The following KIF24 variants were observed in gnomAD, a reference collection of about 807,000 sequenced individuals.
KIF24 encodes the protein kinesin family member 24, also known as kinesin-like protein KIF24.
A neutral mutation model predicts 118.9 loss-of-function variants in KIF24; 81 were observed. That is an observed-to-expected ratio of 0.68 (90% CI 0.57 to 0.82). The LOEUF is 0.82. Among genes scored for constraint, KIF24 ranks in the 40% least tolerant of loss-of-function variants. KIF24 has a pLI of 0.00. For synonymous variants in KIF24, 599 were observed against 610.0 expected (o/e 0.98, Z 0.27); for missense variants, 1,560 against 1,661.6 (o/e 0.94, Z 1.06).
In KIF24 at chr9:34,269,266, ACT is replaced by A. The variant is rs778428972; in HGVS notation, c.1432_1433del (p.Leu479ThrfsTer52). 17 of 1,594,742 alleles carry A rather than the reference ACT, an allele frequency of 1.1e-5. No individual in the cohort carries two copies. The highest frequency in any genetic ancestry group is 1.5e-5 in the Non-Finnish European group (17 of 1,164,858). Reference protein sequence around the residue: ...TKMEGAEINQSLLALKECIRA... With the variant: ...TKMEGAEINQXLLALKECIRA... ...ATTTTGAACAACTTACAGCCAGTAG[ACT>A]CTGATTTATTTCTGCACCTTCCATC... On this transcript the variant is annotated frameshift_variant, in exon 8 of 13. Coordinates refer to ENST00000402558, the MANE Select transcript of KIF24 (RefSeq NM_194313.4). LOFTEE classifies it high-confidence loss of function.
intron 6 of KIF24, among the ~76,000 whole-genome samples, chr9:34,285,930 TA>T (rs11283995): frequency 0.23 from 27,743 of 120,744 alleles, 3,466 homozygotes; most frequent in East Asian, 0.59. Context: ...CCCTGTTGCT[TA>T]AAAAAAAAAA....
intron 4 of KIF24, among the ~76,000 whole-genome samples, chr9:34,295,194 T>TAGACAGATAGACAGACAGAC (rs1836419304): frequency 6.7e-6 from 1 of 149,578 alleles, no homozygotes; most frequent in Admixed American, 6.7e-5. Context: ...GATGGATGGA[T>TAGACAGATAGACAGACAGAC]AGACAGACAG....
At position 34,324,391 on chromosome 9, in the gene KIF24, T is replaced by C. The variant is rs77435154; in HGVS notation, c.-26+4715A>G. 2.0e-3 allele frequency among the ~76,000 whole-genome samples: 300 copies of C among 152,326 alleles called. 1 individual carries two copies. Among genetic ancestry groups the C allele is most frequent in the African/African-American group, 6.7e-3 (279 of 41,570 alleles). On this transcript the variant is annotated intron_variant, in intron 1 of 12. Coordinates refer to ENST00000402558, the MANE Select transcript of KIF24 (RefSeq NM_194313.4). ...ACGAGAAAGCATCCTAGAGGCCTTCTTCTCCCTTAATCCCAAAACTAATCA... is the reference window on the plus strand; with the variant it reads ...ACGAGAAAGCATCCTAGAGGCCTTCCTCTCCCTTAATCCCAAAACTAATCA...
At chr9:34,289,090 C>T (rs138475163) in intron 5 of KIF24, among the ~76,000 whole-genome samples, 70 of 152,234 alleles carry the variant, frequency 4.6e-4, no homozygotes, top group Non-Finnish European at 8.7e-4. Flanking sequence ...TCTTTTATTT[C>T]GCAGTTGTTT....
upstream of KIF24, among the ~76,000 whole-genome samples, chr9:34,331,852 C>G (rs1239674127): frequency 1.3e-5 from 2 of 152,176 alleles, no homozygotes; most frequent in African/African-American, 4.8e-5. Context: ...CTCCTCCACC[C>G]AGGCACTCAA....
At chr9:34,287,390 G>C (rs1836090192) in intron 5 of KIF24, among the ~76,000 whole-genome samples, 1 of 152,148 alleles carries the variant, frequency 6.6e-6, no homozygotes, top group South Asian at 2.1e-4. Context: ...AAAGGAGCAA[G>C]GAAGAGCTGG....
At chr9:34,292,365 CCTTTT>C (rs1396162779) in intron 4 of KIF24, among the ~76,000 whole-genome samples, 19 of 152,000 alleles carry the variant, frequency 1.3e-4, no homozygotes, top group Middle Eastern at 3.4e-3. Flanking sequence ...TTTTCCTTTT[CCTTTT>C]ATTATTTTTT....
intron 5 of KIF24, among the ~76,000 whole-genome samples, 162 bp downstream of exon 5, chr9:34,290,012 A>G (rs1013265644): frequency 1.2e-4 from 18 of 152,210 alleles, no homozygotes; most frequent in African/African-American, 4.3e-4. Context: ...CTATAGCTGA[A>G]TTGACAGCTA....
At chr9:34,293,297 T>C (rs1836324661) in intron 4 of KIF24, among the ~76,000 whole-genome samples, 1 of 149,346 alleles carries the variant, frequency 6.7e-6, no homozygotes, top group South Asian at 2.1e-4. Context: ...CTGGTCAACA[T>C]GGCAAGACCC....
chr9:34,255,332 T>A, intron 11 of KIF24, among the ~76,000 whole-genome samples, 167 bp from the exon 12 acceptor site: 1 of 151,968 alleles, frequency 6.6e-6, no homozygotes, highest in African/African-American at 2.4e-5. Context: ...CTGCTCTTTC[T>A]CAGGATTAGG....
At chr9:34,271,954 A>C in intron 6 of KIF24, 24 bp from the exon 7 acceptor site, 3 of 1,567,248 alleles carry the variant, frequency 1.9e-6, no homozygotes, top group Non-Finnish European at 2.6e-6. Flanking sequence ...CCACAGGATG[A>C]CTTCCCCAAG....
At chr9:34,319,964 GC>G (rs1412852897) in intron 1 of KIF24, among the ~76,000 whole-genome samples, 1 of 152,174 alleles carries the variant, frequency 6.6e-6, no homozygotes, top group East Asian at 1.9e-4. Context: ...CATATTTATA[GC>G]CAAGTACCTT....
At position 34,264,267 on chromosome 9, in the gene KIF24, C is replaced by CAA. The variant is rs202078245; in HGVS notation, c.1444-1097_1444-1096dup. On this transcript the variant is annotated intron_variant, in intron 8 of 12. Coordinates refer to ENST00000402558, the MANE Select transcript of KIF24 (RefSeq NM_194313.4). ...TGAAACCCTGTCTCTACTAAAAATACAAAAAAAAAAAAATTAGCCGGGCAT... is the reference window on the plus strand; with the variant it reads ...TGAAACCCTGTCTCTACTAAAAATACAAAAAAAAAAAAAAATTAGCCGGGCAT... Among the ~76,000 whole-genome samples the CAA allele has an allele frequency of 7.8e-3, 1,085 of 139,460 alleles. 13 individuals carry two copies. The highest frequency in any genetic ancestry group is 0.025 in the African/African-American group (943 of 38,328). The allele number at this position is 139,460 out of a possible 152,430, so 91.5% of individuals were successfully genotyped here. A position where few individuals can be genotyped will look rare whatever the true frequency, so the allele number is the denominator to read the frequency against.
At chr9:34,324,141 A>G (rs1187475650) in intron 1 of KIF24, among the ~76,000 whole-genome samples, 1 of 152,226 alleles carries the variant, frequency 6.6e-6, no homozygotes, top group Non-Finnish European at 1.5e-5. Flanking sequence ...GGTTACTTCC[A>G]GAATCCCAAT....
Position 34,257,725 on chromosome 9 carries a change from C to G in KIF24, c.1882G>C (p.Gly628Arg). The change falls in exon 11 of 13, where the codon GGT becomes CGT. Residue 628 changes from glycine (G) to arginine (R), a missense_variant. By Grantham distance (125) the Gly-to-Arg change is moderately radical. This residue lies in a region of KIF24 where 964 missense variants were observed against 988.0 expected (regional missense o/e 0.98). Coordinates refer to ENST00000402558, the MANE Select transcript of KIF24 (RefSeq NM_194313.4). ...CTCCCTCTGGAGCCACCCCTTTTAC[C>G]AGAGACCTTAGGTGCAGAAGTAAAA... ...IPFTSAPKVS[G>R]KRGGSRGSPS... 6.2e-7 allele frequency: 1 copy of G among 1,614,018 alleles called. No individual in the cohort carries two copies. Among genetic ancestry groups the G allele is most frequent in the Non-Finnish European group, 8.5e-7 (1 of 1,179,886 alleles).
intron 8 of KIF24, among the ~76,000 whole-genome samples, chr9:34,268,565 T>C (rs188907661): frequency 4.8e-4 from 71 of 147,076 alleles, no homozygotes; most frequent in African/African-American, 1.7e-3. Context: ...TGGGGTGCAA[T>C]GGCACGATCT....
Position 34,311,365 on chromosome 9 carries a change from A to G in KIF24, c.-19T>C. 1.3e-6 allele frequency: 2 copies of G among 1,518,562 alleles called. No individual in the cohort carries two copies. Among genetic ancestry groups the G allele is most frequent in the Non-Finnish European group, 1.8e-6 (2 of 1,131,494 alleles). 94.1% of individuals were successfully genotyped at this position (1,518,562 alleles called of 1,614,324 possible). On this transcript the variant is annotated 5_prime_UTR_variant, in exon 2 of 13. Transcript: ENST00000402558. ...ATGCCATTTTGGTGAATAGGTTTCTATAAACTCTGAAGAGAGAAAGAAAAG... is the reference window on the plus strand; with the variant it reads ...ATGCCATTTTGGTGAATAGGTTTCTGTAAACTCTGAAGAGAGAAAGAAAAG...
At chr9:34,296,342 C>T (rs1253714231) in intron 4 of KIF24, among the ~76,000 whole-genome samples, 2 of 149,586 alleles carry the variant, frequency 1.3e-5, no homozygotes, top group Non-Finnish European at 3.0e-5. Context: ...CTGGCTAACA[C>T]GGTGAAACCC....
In KIF24 at chr9:34,318,655, C is replaced by G; in HGVS notation, c.-25-7284G>C. ...CGTCGTTGGGGCTCGTGTCGCTGGG[C>G]GGCAAGGCGACCACGGCGTCGGAGG... On this transcript the variant is annotated intron_variant, in intron 1 of 12. Coordinates refer to ENST00000402558, the MANE Select transcript of KIF24 (RefSeq NM_194313.4). The surrounding 1 kb of genome is among the most constrained non-coding windows in gnomAD (Gnocchi z 4.9). 1.3e-6 allele frequency: 2 copies of G among 1,542,524 alleles called. No individual in the cohort carries two copies. The highest frequency in any genetic ancestry group is 1.8e-6 in the Non-Finnish European group (2 of 1,135,618).
Sources: allele counts gnomAD v4.1 joint callset (sites outside exome capture counted in the v4.1 genomes callset), GRCh38; gene constraint gnomAD v4.1.1; regional missense constraint gnomAD v4.1.1; non-coding constraint Gnocchi (gnomAD v3.1); transcripts MANE v1.5; gene names NCBI Gene and HGNC (gene_info 2026-07-23, HGNC 2026-07-21).